The following PFDN1 variants were observed in gnomAD, a reference collection of about 807,000 sequenced individuals.
PFDN1 encodes the protein prefoldin subunit 1.
Under a neutral mutation model 17.3 loss-of-function variants are expected in PFDN1, and 6 were observed. The observed-to-expected ratio is 0.35, with a 90% confidence interval of 0.19 to 0.69. The LOEUF is 0.69. Ranked by LOEUF, PFDN1 falls within the 30% of genes least tolerant of loss-of-function variation. The pLI, the probability that PFDN1 is intolerant of heterozygous loss-of-function variation, is 0.65. For missense variants in PFDN1, 113 were observed against 146.2 expected (o/e 0.77, Z 1.17); for synonymous variants, 58 against 50.1 (o/e 1.16, Z -0.67).
Position 140,254,123 on chromosome 5 carries a change from G to A in PFDN1, c.286-8066C>T, listed in dbSNP as rs539456988. ...ACAACTACTCAGCTCTGCCATTGTA[G>A]CACAAAAGCAGTCAGACAATGTGTA... is the stretch of plus-strand genomic sequence containing the variant. On this transcript the variant is annotated intron_variant, in intron 3 of 3. Coordinates refer to ENST00000261813, the MANE Select transcript of PFDN1 (RefSeq NM_002622.5). The surrounding 1 kb of genome is among the most constrained non-coding windows in gnomAD (Gnocchi z 4.4). Among the ~76,000 whole-genome samples, 1 of 152,324 alleles carries A rather than the reference G, an allele frequency of 6.6e-6. No individual in the cohort carries two copies. Among genetic ancestry groups the A allele is most frequent in the Admixed American group, 6.5e-5 (1 of 15,304 alleles).
intron 3 of PFDN1, among the ~76,000 whole-genome samples, chr5:140,260,229 C>A (rs1194119701): frequency 6.6e-6 from 1 of 151,704 alleles, no homozygotes; most frequent in Non-Finnish European, 1.5e-5. Context: ...CAGAAAAAAA[C>A]AAGTGCTGGC....
chr5:140,290,106 T>C (rs1295399900), intron 2 of PFDN1, among the ~76,000 whole-genome samples: 2 of 152,164 alleles, frequency 1.3e-5, no homozygotes, highest in Admixed American at 6.5e-5. Context: ...CCATATCCAT[T>C]TCCTTTTCTT....
intron 3 of PFDN1, among the ~76,000 whole-genome samples, chr5:140,248,805 C>G (rs2126677406): frequency 6.6e-6 from 1 of 152,316 alleles, no homozygotes; most frequent in East Asian, 1.9e-4. Context: ...CTAAAGTCTT[C>G]AGGTTTCCAA....
chr5:140,256,022 G>A (rs1383649509), intron 3 of PFDN1, among the ~76,000 whole-genome samples: 1 of 152,084 alleles, frequency 6.6e-6, no homozygotes. Context: ...TCTCAACAGT[G>A]TTCAACACAG....
chr5:140,263,306 G>A (rs769023697), intron 3 of PFDN1, among the ~76,000 whole-genome samples: 2 of 152,170 alleles, frequency 1.3e-5, no homozygotes, highest in Non-Finnish European at 2.9e-5. Context: ...CACTTATAGA[G>A]ATTTGCAGGG....
chr5:140,287,410 T>C (rs546708313), intron 2 of PFDN1, among the ~76,000 whole-genome samples: 3 of 152,326 alleles, frequency 2.0e-5, no homozygotes, highest in South Asian at 2.1e-4. Flanking sequence ...TATACACATA[T>C]TATCTATTGC....
intron 2 of PFDN1, chr5:140,281,752 A>C: frequency 2.2e-6 from 1 of 447,488 alleles, no homozygotes; most frequent in Admixed American, 3.8e-5. Flanking sequence ...TAATATAGGA[A>C]TCAGGCAGGG....
intron 3 of PFDN1, among the ~76,000 whole-genome samples, chr5:140,270,328 C>A (rs1221011716): frequency 6.6e-6 from 1 of 152,160 alleles, no homozygotes; most frequent in Non-Finnish European, 1.5e-5. Context: ...ACAATGAAGG[C>A]TGAGGTCAAC....
intron 3 of PFDN1, among the ~76,000 whole-genome samples, chr5:140,269,628 T>C (rs1765178216): frequency 1.3e-5 from 2 of 152,198 alleles, no homozygotes; most frequent in Admixed American, 1.3e-4. Context: ...CTTTAACTTT[T>C]TAAATTAAGA....
At chr5:140,277,017 C>T (rs1301893428) in intron 3 of PFDN1, among the ~76,000 whole-genome samples, 3 of 151,852 alleles carry the variant, frequency 2.0e-5, no homozygotes, top group South Asian at 2.1e-4. Context: ...GTCAGGAGTT[C>T]GAGACCAGGC....
chr5:140,280,184 T>A (rs1054596347), intron 3 of PFDN1, among the ~76,000 whole-genome samples: 3 of 152,072 alleles, frequency 2.0e-5, no homozygotes, highest in African/African-American at 7.2e-5. Context: ...TAAAGAGAAT[T>A]ATATACATAT....
Position 140,259,938 on chromosome 5 carries a change from G to GT in PFDN1, c.286-13882dup, listed in dbSNP as rs564332594. ...GTACAGGTGTTTCTTCAAAGAAGAC[G>GT]TATTATTGGCCAAAAAGCACATGAA... On this transcript the variant is annotated intron_variant, in intron 3 of 3. Coordinates refer to ENST00000261813, the MANE Select transcript of PFDN1 (RefSeq NM_002622.5). 7.2e-4 allele frequency among the ~76,000 whole-genome samples: 110 copies of GT among 152,260 alleles called. No individual in the cohort carries two copies. In the Middle Eastern group the frequency reaches 0.02, roughly 28 times the overall value.
intron 2 of PFDN1, among the ~76,000 whole-genome samples, chr5:140,294,065 T>C (rs1765618112): frequency 6.6e-6 from 1 of 152,084 alleles, no homozygotes; most frequent in African/African-American, 2.4e-5. Flanking sequence ...CTCATCTTAC[T>C]TTTGACAACT....
intron 2 of PFDN1, among the ~76,000 whole-genome samples, chr5:140,282,653 G>C (rs1765428275): frequency 6.6e-6 from 1 of 152,138 alleles, no homozygotes; most frequent in Non-Finnish European, 1.5e-5. Flanking sequence ...GATGAGGGTG[G>C]AAATATGGAG....
intron 2 of PFDN1, among the ~76,000 whole-genome samples, chr5:140,291,477 C>T (rs13170475): frequency 0.47 from 71,660 of 151,834 alleles, 17,176 homozygotes; most frequent in South Asian, 0.71. Flanking sequence ...AAAATTTTAT[C>T]TTGGCCAAGC....
intron 3 of PFDN1, among the ~76,000 whole-genome samples, chr5:140,246,379 A>G (rs1764830128): frequency 6.6e-6 from 1 of 152,240 alleles, no homozygotes; most frequent in Non-Finnish European, 1.5e-5. Context: ...CCAGACAGAC[A>G]AAGGCCAGGA....
intron 3 of PFDN1, among the ~76,000 whole-genome samples, chr5:140,257,914 G>GA (rs1473172449): frequency 6.6e-6 from 1 of 152,212 alleles, no homozygotes; most frequent in Non-Finnish European, 1.5e-5. Context: ...CTCACAGAGG[G>GA]ACTTGAGAAC....
At chr5:140,298,975 C>T (rs968379961) in intron 2 of PFDN1, among the ~76,000 whole-genome samples, 13 of 152,028 alleles carry the variant, frequency 8.6e-5, no homozygotes, top group Admixed American at 2.6e-4. Context: ...GGTCTCAAAC[C>T]CCTAACCTCA....
chr5:140,301,715 G>A (rs1005380161), intron 1 of PFDN1, among the ~76,000 whole-genome samples: 1 of 152,140 alleles, frequency 6.6e-6, no homozygotes, highest in Admixed American at 6.5e-5. Flanking sequence ...TTCACCGCCC[G>A]CAAGTTTCAA....
Sources: gnomAD v4.1 joint callset for allele counts (sites outside exome capture counted in the v4.1 genomes callset) on GRCh38, gnomAD v4.1.1 for gene constraint, Gnocchi (gnomAD v3.1) non-coding constraint, MANE v1.5 for transcripts, NCBI Gene and HGNC (gene_info 2026-07-23, HGNC 2026-07-21) for gene names.